HTRA3: variants seen among roughly 807,000 people sequenced by gnomAD.
HTRA3 encodes HtrA serine peptidase 3.
Under a neutral mutation model 43.2 loss-of-function variants are expected in HTRA3, and 41 were observed. The observed-to-expected ratio is 0.95, with a 90% CI of 0.74 to 1.23. The LOEUF is 1.23. Ranked by LOEUF, HTRA3 falls within the 50% of genes most tolerant of loss-of-function variation. HTRA3 has a pLI of 0.00. For missense variants in HTRA3, 628 were observed against 647.1 expected, an observed-to-expected ratio of 0.97 and a Z score of 0.32; for synonymous variants, 295 against 287.9, an observed-to-expected ratio of 1.02 and a Z score of -0.25.
chr4:8,272,978 A>C (rs945826382), intron 1 of HTRA3, among the ~76,000 whole-genome samples: 2 of 151,770 alleles, frequency 1.3e-5, no homozygotes, highest in African/African-American at 4.8e-5. Context: ...CGCAGAGTCC[A>C]CTCCCTGTGG....
intron 1 of HTRA3, among the ~76,000 whole-genome samples, chr4:8,273,780 C>T (rs903076506): frequency 2.0e-5 from 3 of 151,682 alleles, no homozygotes; most frequent in African/African-American, 7.3e-5. Context: ...GCCTGCTGCA[C>T]TGTCACAGTG....
chr4:8,298,697 C>G (rs1028160292), intron 6 of HTRA3, among the ~76,000 whole-genome samples: 1 of 152,130 alleles, frequency 6.6e-6, no homozygotes, highest in Non-Finnish European at 1.5e-5. Context: ...AAGTATAGAT[C>G]GAGGTTTGGG....
chr4:8,295,629 C>G lies in HTRA3; in HGVS notation c.1051+1428C>G. ...GCCATTGTGTCTCCTGTGCCCACCT[C>G]CTGGCCAACGCCCAGGCCTGACTCA... On this transcript the variant is annotated intron_variant, in intron 6 of 8. Transcript: ENST00000307358. The surrounding 1 kb of genome is among the most constrained non-coding windows in gnomAD (Gnocchi z 6.9). 1 of 1,266,544 alleles carries G rather than the reference C, an allele frequency of 7.9e-7. No individual in the cohort carries two copies. The highest frequency in any genetic ancestry group is 1.0e-6 in the Non-Finnish European group (1 of 981,090). 78.5% of individuals were successfully genotyped at this position (1,266,544 alleles called of 1,614,324 possible).
Position 8,279,492 on chromosome 4 carries a change from G to A in HTRA3, c.386-2945G>A, listed in dbSNP as rs1235109890. Among the ~76,000 whole-genome samples, 3 of 152,136 alleles carry A rather than the reference G, an allele frequency of 2.0e-5. No homozygotes were observed. Among genetic ancestry groups the A allele is most frequent in the Admixed American group, 2.0e-4 (3 of 15,276 alleles). On this transcript the variant is annotated intron_variant, in intron 1 of 8. Coordinates refer to ENST00000307358, the MANE Select transcript of HTRA3 (RefSeq NM_053044.5). This position sits in a 1 kb window ranked among gnomAD's most constrained non-coding sequence, Gnocchi z 7.4. The stretch of plus-strand genomic sequence containing the variant: ...CAGGCTGCCGCGTCAGAGCTCAGGG[G>A]CCCAGCAGCCCAGGCGCTTGAGGGG...
Position 8,286,573 on chromosome 4 carries a change from T to A in HTRA3, c.498T>A (p.Phe166Leu). The change falls in exon 3 of 9, where the codon TTT (phenylalanine) becomes TTA (leucine). Residue 166 changes from phenylalanine to leucine, a missense_variant. Physicochemically the swap from Phe to Leu is conservative, Grantham distance 22. Coordinates refer to ENST00000307358, the MANE Select transcript of HTRA3 (RefSeq NM_053044.5). The surrounding 1 kb of genome is among the most constrained non-coding windows in gnomAD (Gnocchi z 4.9). ...HIELFLRHPL[F>L]GRNVPLSSGS... is the part of the protein sequence containing the mutation. ...TCCCTGGCTGCAGACACCCGCTGTT[T>A]GGCCGCAACGTGCCCCTGTCCAGCG... is the stretch of plus-strand genomic sequence containing the variant. 6.2e-7 allele frequency: 1 copy of A among 1,613,768 alleles called. No homozygotes were observed. Among genetic ancestry groups the A allele is most frequent in the Non-Finnish European group, 8.5e-7 (1 of 1,179,984 alleles).
rs548638698 is a variant in HTRA3, at chr4:8,290,176, G to T, written c.709-1194G>T. The stretch of plus-strand genomic sequence containing the variant: ...TGAAGCTTCTTGAGCACAGAGAATA[G>T]AGGAGCGGCCTGAGTCTTTCCCACA... On this transcript the variant is annotated intron_variant, in intron 3 of 8. Coordinates refer to ENST00000307358, the MANE Select transcript of HTRA3 (RefSeq NM_053044.5). 2.8e-4 allele frequency among the ~76,000 whole-genome samples: 42 copies of T among 152,380 alleles called. No individual in the cohort carries two copies. The South Asian group carries it at 4.8e-3, about 17-fold the overall frequency.
chr4:8,291,311 C>G, intron 3 of HTRA3, 59 bp from the exon 4 acceptor site: 1 of 1,459,612 alleles, frequency 6.9e-7, no homozygotes, highest in Non-Finnish European at 9.6e-7. Context: ...TGACTCCGGT[C>G]CCCGCTGAAG....
Position 8,297,600 on chromosome 4 carries a change from G to T in HTRA3, c.1051+3399G>T, listed in dbSNP as rs563346509. Reference sequence around the variant, plus strand: ...ATGACGGGGCAGGAGACCTCTCTGAGGAGGTGACCCACCTCCAGCAGAGAC... The same window carrying T: ...ATGACGGGGCAGGAGACCTCTCTGATGAGGTGACCCACCTCCAGCAGAGAC... On this transcript the variant is annotated intron_variant, in intron 6 of 8. Coordinates refer to ENST00000307358, the MANE Select transcript of HTRA3 (RefSeq NM_053044.5). The surrounding 1 kb of genome is among the most constrained non-coding windows in gnomAD (Gnocchi z 5.8). Among the ~76,000 whole-genome samples the T allele has an allele frequency of 6.2e-4, 95 of 152,106 alleles. No individual in the cohort carries two copies. Among genetic ancestry groups the T allele is most frequent in the Non-Finnish European group, 1.2e-3 (82 of 68,008 alleles).
In HTRA3 at chr4:8,286,610, A is replaced by G. The variant is rs572112707; in HGVS notation, c.535A>G (p.Ile179Val). The G allele has an allele frequency of 6.2e-6, 10 of 1,614,080 alleles. No individual in the cohort carries two copies. Among genetic ancestry groups the G allele is most frequent in the African/African-American group, 1.3e-5 (1 of 75,006 alleles). Residue 179 changes from isoleucine (I) to valine (V), a missense_variant, in exon 3 of 9, where the codon ATC (isoleucine) becomes GTC (valine). By Grantham distance (29) the Ile-to-Val change is conservative. Transcript: ENST00000307358. This position sits in a 1 kb window ranked among gnomAD's most constrained non-coding sequence, Gnocchi z 4.9. ...GCCCCTGTCCAGCGGTTCTGGCTTC[A>G]TCATGTCAGAGGCCGGCCTGATCAT... Reference protein sequence around the residue: ...NVPLSSGSGFIMSEAGLIITN... With the variant: ...NVPLSSGSGFVMSEAGLIITN...
Position 8,292,504 on chromosome 4 carries a change from G to A in HTRA3, c.936+151G>A. 4 of 700,884 alleles carry A rather than the reference G, an allele frequency of 5.7e-6. No homozygotes were observed. The South Asian group carries it at 5.8e-5, about 10-fold the overall frequency. 43.4% of individuals were successfully genotyped at this position (700,884 alleles called of 1,614,324 possible). A position where few individuals can be genotyped will look rare whatever the true frequency, so the allele number is the denominator to read the frequency against. On this transcript the variant is annotated intron_variant, in intron 5 of 8. Coordinates refer to ENST00000307358, the MANE Select transcript of HTRA3 (RefSeq NM_053044.5). ...TGCAGCTGGGCCGGAGGCCTGGAAG[G>A]AGGAAAGACCAAGGCTGCCCCAAGC...
intron 1 of HTRA3, among the ~76,000 whole-genome samples, chr4:8,278,759 G>A (rs867426842): frequency 3.9e-5 from 6 of 152,302 alleles, no homozygotes; most frequent in African/African-American, 1.2e-4. Flanking sequence ...CTGGGCCAGC[G>A]CCAGGCCTGC....
intron 3 of HTRA3, among the ~76,000 whole-genome samples, chr4:8,290,834 G>A: frequency 6.6e-6 from 1 of 152,208 alleles, no homozygotes; most frequent in East Asian, 1.9e-4. Context: ...GTGGGGTGGA[G>A]CTCGGCTAGT....
chr4:8,293,303 A>T (rs961533858), intron 5 of HTRA3, among the ~76,000 whole-genome samples: 4 of 152,210 alleles, frequency 2.6e-5, no homozygotes, highest in Admixed American at 2.0e-4. Context: ...CGCATGGTCC[A>T]GGCAGTAGAG....
In HTRA3 at chr4:8,269,947, AC is replaced by A. The variant is rs1462826969; in HGVS notation, c.-19del. 1 of 1,077,914 alleles carries A rather than the reference AC, an allele frequency of 9.3e-7. No individual in the cohort carries two copies. Among genetic ancestry groups the A allele is most frequent in the Non-Finnish European group, 1.1e-6 (1 of 890,412 alleles). 66.8% of individuals were successfully genotyped at this position (1,077,914 alleles called of 1,614,324 possible). On this transcript the variant is annotated 5_prime_UTR_variant, in exon 1 of 9. Transcript: ENST00000307358. ...CCCCCGCCCGGTCTCCCGCGCTGCCACCCGCCGCCGGCCCTGCCGCCATGCA... is the reference window on the plus strand; with the variant it reads ...CCCCCGCCCGGTCTCCCGCGCTGCCACCGCCGCCGGCCCTGCCGCCATGCA...
intron 7 of HTRA3, among the ~76,000 whole-genome samples, chr4:8,303,782 C>G (rs1009891424): frequency 6.6e-6 from 1 of 151,982 alleles, no homozygotes; most frequent in Non-Finnish European, 1.5e-5. Context: ...CTGTCCGTTC[C>G]GTGACTCAGC....
intron 2 of HTRA3, 124 bp downstream of exon 2, chr4:8,282,660 C>T (rs1712801609): frequency 1.4e-6 from 1 of 733,110 alleles, no homozygotes; most frequent in African/African-American, 1.7e-5. Context: ...GGCCTGGGGT[C>T]AGGCTGACCT....
At chr4:8,281,728 G>T (rs1255324313) in intron 1 of HTRA3, among the ~76,000 whole-genome samples, 1 of 152,252 alleles carries the variant, frequency 6.6e-6, no homozygotes, top group Non-Finnish European at 1.5e-5. Flanking sequence ...CAGGCCTGTG[G>T]TCCTGGCAGC....
chr4:8,280,156 G>A lies in HTRA3; in HGVS notation c.386-2281G>A, dbSNP rs376618941. ...GAGCAGAAACTGGAGTTGGTGGCCCGACAAAGGCCACACGGTAGGAGAGGT... is the reference window on the plus strand; with the variant it reads ...GAGCAGAAACTGGAGTTGGTGGCCCAACAAAGGCCACACGGTAGGAGAGGT... On this transcript the variant is annotated intron_variant, in intron 1 of 8. Coordinates refer to ENST00000307358, the MANE Select transcript of HTRA3 (RefSeq NM_053044.5). 7.9e-5 allele frequency among the ~76,000 whole-genome samples: 12 copies of A among 152,274 alleles called. No homozygotes were observed. In the East Asian group the frequency reaches 1.7e-3, roughly 22 times the overall value.
intron 5 of HTRA3, among the ~76,000 whole-genome samples, chr4:8,293,550 A>G (rs1713323892): frequency 6.6e-6 from 1 of 151,912 alleles, no homozygotes; most frequent in Admixed American, 6.5e-5. Flanking sequence ...AGTGTGCCTG[A>G]GTGTGAGGTC....
Sources: gnomAD v4.1 joint callset for allele counts (sites outside exome capture counted in the v4.1 genomes callset) on GRCh38, gnomAD v4.1.1 for gene constraint, Gnocchi (gnomAD v3.1) non-coding constraint, MANE v1.5 for transcripts, NCBI Gene and HGNC (gene_info 2026-07-23, HGNC 2026-07-21) for gene names.